The following DCHS2 variants were observed in gnomAD, a reference collection of about 807,000 sequenced individuals.
DCHS2 encodes the protein dachsous cadherin-related 2.
A neutral mutation model predicts 182.4 loss-of-function variants in DCHS2; 142 were observed. The ratio of observed to expected loss-of-function variants is 0.78; its 90% CI spans 0.68 to 0.89. The LOEUF (loss-of-function observed/expected upper bound fraction) is 0.89. DCHS2 is among the 40% of genes least tolerant of loss of function. DCHS2 has a pLI of 0.00. For synonymous variants in DCHS2, 1,740 were observed against 1,663.3 expected, an observed-to-expected ratio of 1.05 and a Z score of -1.12; for missense variants, 4,319 against 4,198.6, an observed-to-expected ratio of 1.03 and a Z score of -0.79.
At chr4:154,356,149 C>T (rs1729852811) in intron 3 of DCHS2, among the ~76,000 whole-genome samples, 1 of 152,040 alleles carries the variant, frequency 6.6e-6, no homozygotes, top group African/African-American at 2.4e-5. Context: ...CAGTGGTATT[C>T]ATGCTCTTGA....
chr4:154,446,824 G>A (rs1734315528), intron 1 of DCHS2, among the ~76,000 whole-genome samples: 1 of 152,114 alleles, frequency 6.6e-6, no homozygotes, highest in Non-Finnish European at 1.5e-5. Context: ...ACCTATTCAA[G>A]TACAATTTAC....
At chr4:154,412,524 G>A (rs1273444435) in intron 1 of DCHS2, among the ~76,000 whole-genome samples, 3 of 152,036 alleles carry the variant, frequency 2.0e-5, no homozygotes, top group African/African-American at 7.3e-5. Flanking sequence ...CCGAGAAAAT[G>A]TTCCTCATCC....
intron 1 of DCHS2, among the ~76,000 whole-genome samples, chr4:154,391,911 G>A (rs1312269306): frequency 6.6e-6 from 1 of 152,094 alleles, no homozygotes; most frequent in African/African-American, 2.4e-5. Flanking sequence ...ATAAATGTTA[G>A]TATTCCCAGA....
At chr4:154,466,895 A>G (rs1006896370) in intron 1 of DCHS2, among the ~76,000 whole-genome samples, 1 of 152,178 alleles carries the variant, frequency 6.6e-6, no homozygotes, top group Admixed American at 6.5e-5. Context: ...TTTCTATTTT[A>G]GCTTCCTTTA....
At chr4:154,384,913 TTTTTTATTTTTA>T in intron 1 of DCHS2, among the ~76,000 whole-genome samples, 1 of 152,054 alleles carries the variant, frequency 6.6e-6, no homozygotes, top group Admixed American at 6.5e-5. Flanking sequence ...TATGGAAATG[TTTTTTATTTTTA>T]TTTTTATTTT....
At position 154,491,222 on chromosome 4, in the gene DCHS2, C is replaced by T. The variant is rs982208790; in HGVS notation, c.134G>A (p.Arg45His). ...RSGSSGARTQRSLLWLLVHVW... is the reference protein window; with the variant it reads ...RSGSSGARTQHSLLWLLVHVW... The stretch of plus-strand genomic sequence containing the variant: ...GTGCACCAAGAGCCAGAGCAGGGAG[C>T]GCTGCGTCCTGGCGCCGCTGCTGCC... Residue 45 changes from arginine (R) to histidine (H), a missense_variant, in exon 1 of 20, where the codon CGC (arginine) becomes CAC (histidine). Physicochemically the swap from Arg to His is conservative, Grantham distance 29 (BLOSUM62 0). Coordinates refer to ENST00000357232, the MANE Select transcript of DCHS2 (RefSeq NM_001358235.2). 1 of 1,551,446 alleles carries T rather than the reference C, an allele frequency of 6.4e-7. No homozygotes were observed. The highest frequency in any genetic ancestry group is 2.4e-5 in the East Asian group (1 of 40,896).
intron 13 of DCHS2, among the ~76,000 whole-genome samples, chr4:154,287,864 A>C (rs555060434): frequency 2.0e-5 from 3 of 152,262 alleles, no homozygotes; most frequent in Admixed American, 1.3e-4. Flanking sequence ...ATCAGTTTAA[A>C]ATAATAAGTT....
At chr4:154,280,389 C>G (rs889792856) in intron 13 of DCHS2, among the ~76,000 whole-genome samples, 1 of 152,084 alleles carries the variant, frequency 6.6e-6, no homozygotes, top group Non-Finnish European at 1.5e-5. Flanking sequence ...CAGCATTATT[C>G]TCATTCCAAA....
chr4:154,350,379 A>G (rs1314612486), intron 3 of DCHS2, among the ~76,000 whole-genome samples: 1 of 152,216 alleles, frequency 6.6e-6, no homozygotes, highest in Non-Finnish European at 1.5e-5. Context: ...CTACATAATT[A>G]AAGAACAATC....
chr4:154,377,000 G>T, intron 2 of DCHS2, among the ~76,000 whole-genome samples: 1 of 152,232 alleles, frequency 6.6e-6, no homozygotes, highest in Admixed American at 6.5e-5. Flanking sequence ...AAGGATATAA[G>T]ATATCATTAA....
chr4:154,304,968 G>A lies in DCHS2; in HGVS notation c.5396-90C>T, dbSNP rs150254990. On this transcript the variant is annotated intron_variant, in intron 11 of 19. Coordinates refer to ENST00000357232, the MANE Select transcript of DCHS2 (RefSeq NM_001358235.2). ...TAACTAGACAATGTCAGGCTAACCA[G>A]GTAGCACTGGCTCAATAATATTTTA... 3.1e-4 allele frequency: 473 copies of A among 1,511,074 alleles called. 2 individuals carry two copies. The African/African-American group carries it at 5.6e-3, about 18-fold the overall frequency. The allele number at this position is 1,511,074 out of a possible 1,614,324, so 93.6% of individuals were successfully genotyped here.
chr4:154,477,264 A>G (rs1431563611), intron 1 of DCHS2, among the ~76,000 whole-genome samples: 1 of 152,132 alleles, frequency 6.6e-6, no homozygotes, highest in African/African-American at 2.4e-5. Context: ...TCTTTCTCTT[A>G]TAAGGACACT....
intron 1 of DCHS2, among the ~76,000 whole-genome samples, chr4:154,386,418 C>T (rs1410019785): frequency 6.6e-6 from 1 of 152,202 alleles, no homozygotes; most frequent in Non-Finnish European, 1.5e-5. Flanking sequence ...CATCTCTTTA[C>T]TCTTTGTACA....
In DCHS2 at chr4:154,322,294, T is replaced by C. The variant is rs144704216; in HGVS notation, c.4176+37A>G. The C allele has an allele frequency of 5.6e-6, 9 of 1,610,684 alleles. No homozygotes were observed. The African/African-American group carries it at 1.2e-4, about 21-fold the overall frequency. ...TTGTAATGAAAGTCAAATGAAATCT[T>C]TAGATGTCCTTCCATATTTTATGGT... On this transcript the variant is annotated intron_variant, in intron 8 of 19. Coordinates refer to ENST00000357232, the MANE Select transcript of DCHS2 (RefSeq NM_001358235.2).
At chr4:154,271,622 T>C (rs991411474) in intron 13 of DCHS2, among the ~76,000 whole-genome samples, 3 of 152,184 alleles carry the variant, frequency 2.0e-5, no homozygotes, top group African/African-American at 4.8e-5. Flanking sequence ...AAGTATTCAT[T>C]TGGTCCCCAA....
intron 3 of DCHS2, among the ~76,000 whole-genome samples, chr4:154,347,164 C>G (rs1044814372): frequency 6.6e-6 from 1 of 150,778 alleles, no homozygotes; most frequent in Non-Finnish European, 1.5e-5. Context: ...AGTTCTGATT[C>G]TATATGCTAA....
In DCHS2 at chr4:154,332,611, T is replaced by C. The variant is rs763395030; in HGVS notation, c.3597A>G (p.Lys1199=). 5.0e-6 allele frequency: 8 copies of C among 1,614,116 alleles called. No homozygotes were observed. The highest frequency in any genetic ancestry group is 6.8e-6 in the Non-Finnish European group (8 of 1,180,056). ...CTTGGGGAACAGGGCTCTCTTCGACTTTCAAAAACAACACATCATGCAAGA... is the reference window on the plus strand; with the variant it reads ...CTTGGGGAACAGGGCTCTCTTCGACCTTCAAAAACAACACATCATGCAAGA... ...PTFLHDVLFL[K]VEESPVPQGV... Residue 1199 remains lysine (K), a synonymous_variant, in exon 5 of 20, where the codon AAA becomes AAG. Transcript: ENST00000357232.
chr4:154,286,646 TTGAAAATAAAC>T (rs1007567610), intron 13 of DCHS2, among the ~76,000 whole-genome samples: 1 of 151,666 alleles, frequency 6.6e-6, no homozygotes, highest in Admixed American at 6.6e-5. Context: ...GGCAGGCTAT[TTGAAAATAAAC>T]AGAGGAGACA....
intron 16 of DCHS2, among the ~76,000 whole-genome samples, chr4:154,245,269 G>C (rs1422448756): frequency 2.6e-5 from 4 of 152,124 alleles, no homozygotes; most frequent in Non-Finnish European, 5.9e-5. Context: ...CTCACTCCAT[G>C]TTCCACAACT....
Sources: allele counts gnomAD v4.1 joint callset (sites outside exome capture counted in the v4.1 genomes callset), GRCh38; gene constraint gnomAD v4.1.1; transcripts MANE v1.5; gene names NCBI Gene and HGNC (gene_info 2026-07-23, HGNC 2026-07-21).